CASK: variants seen among roughly 807,000 people sequenced by gnomAD.
CASK encodes calcium/calmodulin dependent serine protein kinase.
In CASK, 4 loss-of-function variants were observed where a neutral mutation model predicts 82.9. The ratio of observed to expected loss-of-function variants is 0.05; its 90% CI spans 0.02 to 0.11. The LOEUF is 0.11. Ranked by LOEUF, CASK falls within the 10% of genes least tolerant of loss-of-function variation. The pLI is 1.00. For missense variants in CASK, 358 were observed against 720.9 expected (o/e 0.50, Z 5.76); for synonymous variants, 259 against 253.5 (o/e 1.02, Z -0.20).
chrX:41,773,028 T>C (rs1395588872), intron 3 of CASK, among the ~76,000 whole-genome samples: 5 of 110,351 alleles, frequency 4.5e-5, no homozygotes, highest in Admixed American at 2.9e-4. Context: ...AATAGAACAA[T>C]AGTAACAACA....
chrX:41,854,222 G>GCACACACACACA (rs1195147772), intron 1 of CASK, among the ~76,000 whole-genome samples: 10 of 83,457 alleles, frequency 1.2e-4, no homozygotes, highest in Non-Finnish European at 2.3e-4. Flanking sequence ...GCGCGGGCGC[G>GCACACACACACA]CGCACACACA....
intron 1 of CASK, among the ~76,000 whole-genome samples, chrX:41,919,742 G>A (rs772425801): frequency 2.7e-5 from 3 of 111,857 alleles, no homozygotes; most frequent in Non-Finnish European, 5.6e-5. Flanking sequence ...GTCACTCAAA[G>A]GAGTTTCTGC....
At chrX:41,745,308 G>C (rs2068669017) in intron 4 of CASK, among the ~76,000 whole-genome samples, 1 of 111,797 alleles carries the variant, frequency 8.9e-6, no homozygotes, top group Non-Finnish European at 1.9e-5. Flanking sequence ...GAGCCACCGT[G>C]CCTGGCCCCT....
At chrX:41,681,671 AAC>A (rs1476324806) in intron 5 of CASK, among the ~76,000 whole-genome samples, 13 of 111,711 alleles carry the variant, frequency 1.2e-4, no homozygotes, top group Non-Finnish European at 2.4e-4. Flanking sequence ...GCTCCTAAGA[AAC>A]AGAGGAAAGT....
intron 21 of CASK, among the ~76,000 whole-genome samples, chrX:41,553,496 T>C (rs1432697825): frequency 9.0e-6 from 1 of 111,191 alleles, no homozygotes; most frequent in African/African-American, 3.3e-5. Flanking sequence ...TTCCAGACCT[T>C]CCTTTCTTTT....
In CASK at chrX:41,828,484, C is replaced by T. The variant is rs543180201; in HGVS notation, c.172+24631G>A. ...ATATATTAAAACTGTTAAAAAAATA[C>T]TACACATTATAGAGACAAATTGGTG... On this transcript the variant is annotated intron_variant, in intron 2 of 26. Coordinates refer to ENST00000378163, the MANE Select transcript of CASK (RefSeq NM_001367721.1). 5.7e-4 allele frequency among the ~76,000 whole-genome samples: 64 copies of T among 111,856 alleles called. No individual in the cohort carries two copies. In the Admixed American group the frequency reaches 6.0e-3, roughly 10 times the overall value.
chrX:41,548,528 A>G (rs1181124967), intron 21 of CASK, among the ~76,000 whole-genome samples: 1 of 111,579 alleles, frequency 9.0e-6, no homozygotes, highest in Admixed American at 9.6e-5. Flanking sequence ...TTATGTATTT[A>G]TTTTTGGTTG....
chrX:41,808,798 G>A (rs2070196066), intron 2 of CASK, among the ~76,000 whole-genome samples: 1 of 112,518 alleles, frequency 8.9e-6, no homozygotes, highest in Admixed American at 9.3e-5. Context: ...GAAGTGCAAG[G>A]GTTCAGGGAA....
At chrX:41,877,905 A>G (rs1475502120) in intron 1 of CASK, among the ~76,000 whole-genome samples, 19 of 111,110 alleles carry the variant, frequency 1.7e-4, no homozygotes, top group African/African-American at 6.2e-4. Context: ...ATGCCGCTAA[A>G]TTGTACACCT....
At chrX:41,591,581 T>G (rs1442321812) in intron 12 of CASK, among the ~76,000 whole-genome samples, 1 of 111,232 alleles carries the variant, frequency 9.0e-6, no homozygotes, top group Non-Finnish European at 1.9e-5. Context: ...TTCGAGCGAT[T>G]CTCCTGCCTC....
intron 2 of CASK, among the ~76,000 whole-genome samples, chrX:41,825,974 C>T (rs1474896161): frequency 8.9e-6 from 1 of 112,086 alleles, no homozygotes; most frequent in Admixed American, 9.5e-5. Flanking sequence ...ATTTTAGTCT[C>T]CTATTCACAG....
chrX:41,831,045 C>T (rs893454023), intron 2 of CASK, among the ~76,000 whole-genome samples: 3 of 109,655 alleles, frequency 2.7e-5, no homozygotes, highest in South Asian at 4.2e-4. Context: ...ACAAAACTTA[C>T]GTGGCATTCC....
intron 5 of CASK, among the ~76,000 whole-genome samples, chrX:41,726,529 T>C (rs1164757205): frequency 2.7e-5 from 3 of 111,879 alleles, no homozygotes; most frequent in East Asian, 2.8e-4. Flanking sequence ...TTTTGAAAAC[T>C]ATATATAAGT....
chrX:41,717,660 T>G (rs2068085487), intron 5 of CASK, among the ~76,000 whole-genome samples: 1 of 112,117 alleles, frequency 8.9e-6, no homozygotes, highest in South Asian at 3.7e-4. Flanking sequence ...CTGACAAGAC[T>G]GAATGGAAGC....
intron 11 of CASK, among the ~76,000 whole-genome samples, chrX:41,612,609 G>C (rs1283912198): frequency 1.0e-5 from 1 of 98,573 alleles, no homozygotes; most frequent in Admixed American, 1.0e-4. Flanking sequence ...ACTGGGAAGT[G>C]AGGAGCCCCT....
At chrX:41,686,371 G>A (rs1394982138) in intron 5 of CASK, among the ~76,000 whole-genome samples, 9 of 109,627 alleles carry the variant, frequency 8.2e-5, no homozygotes, top group African/African-American at 3.0e-4. Flanking sequence ...GATTACAGGC[G>A]TGAGCCACCA....
At chrX:41,761,667 G>C (rs1289998795) in intron 3 of CASK, among the ~76,000 whole-genome samples, 1 of 111,772 alleles carries the variant, frequency 8.9e-6, no homozygotes, top group Non-Finnish European at 1.9e-5. Flanking sequence ...AAGAAAAATG[G>C]AACCATTATT....
chrX:41,824,550 T>C (rs2070617241), intron 2 of CASK, among the ~76,000 whole-genome samples: 1 of 112,470 alleles, frequency 8.9e-6, no homozygotes, highest in African/African-American at 3.2e-5. Flanking sequence ...CATGCATCTT[T>C]CCATGTGCAG....
At chrX:41,660,244 T>C in intron 8 of CASK, 195 bp downstream of exon 8, 1 of 466,350 alleles carries the variant, frequency 2.1e-6, no homozygotes, top group East Asian at 3.7e-5. Context: ...GATAGCTGCA[T>C]GACACTCAAA....
Sources: gnomAD v4.1 joint callset for allele counts (sites outside exome capture counted in the v4.1 genomes callset) on GRCh38, gnomAD v4.1.1 for gene constraint, MANE v1.5 for transcripts, NCBI Gene and HGNC (gene_info 2026-07-23, HGNC 2026-07-21) for gene names.